Variants in CAST observed in about 807,000 individuals in gnomAD.
CAST encodes the protein MIR583 host.
CAST carries 76 observed loss-of-function variants against 119.6 expected under a neutral mutation model. That is an observed-to-expected ratio of 0.64 (90% CI 0.53 to 0.77). The LOEUF is 0.77. Among genes scored for constraint, CAST ranks in the 30% least tolerant of loss-of-function variants. The pLI is 0.00. For missense variants in CAST, 953 were observed against 946.5 expected, an observed-to-expected ratio of 1.01 and a Z score of -0.09; for synonymous variants, 319 against 331.6, an observed-to-expected ratio of 0.96 and a Z score of 0.41.
chr5:96,574,143 C>T lies in CAST; in HGVS notation c.60+44263C>T, dbSNP rs1296727476. ...CGCAATCTCGGCTCACTGCAAGCTC[C>T]GCTTCCCGGGTTCACGCCATTCTCC... On this transcript the variant is annotated intron_variant, in intron 1 of 11. Coordinates refer to the CAST transcript ENST00000505143. 6.9e-5 allele frequency among the ~76,000 whole-genome samples: 2 copies of T among 28,838 alleles called. 1 individual carries two copies. Among genetic ancestry groups the T allele is most frequent in the Non-Finnish European group, 1.0e-4 (2 of 19,326 alleles). The allele number at this position is 28,838 out of a possible 152,430, so 18.9% of individuals were successfully genotyped here.
the CAST span, among the ~76,000 whole-genome samples, chr5:96,302,683 G>A: frequency 6.6e-6 from 1 of 152,116 alleles, no homozygotes; most frequent in East Asian, 1.9e-4. Context: ...CCTAGAGCAG[G>A]GGCACAATGC....
chr5:96,562,358 G>A (rs971979984), intron 1 of CAST, among the ~76,000 whole-genome samples: 4 of 151,978 alleles, frequency 2.6e-5, no homozygotes, highest in East Asian at 3.9e-4. Flanking sequence ...CAATACAAAT[G>A]CCTCTTTAAT....
intron 1 of CAST, among the ~76,000 whole-genome samples, chr5:96,651,771 C>T (rs148681525): frequency 1.3e-5 from 2 of 152,320 alleles, no homozygotes; most frequent in Non-Finnish European, 2.9e-5. Flanking sequence ...GTTTCTATTA[C>T]ACCTTTTACA....
At chr5:96,770,300 A>G (rs1771794870) in intron 29 of CAST, 1 of 496,068 alleles carries the variant, frequency 2.0e-6, no homozygotes, top group Non-Finnish European at 3.7e-6. Context: ...CGGGAATTAG[A>G]GCATCAATGT....
chr5:96,767,917 A>T lies in CAST; in HGVS notation c.2186A>T (p.Asp729Val). ...KKSEDSKKPADDQDPIDALSG... is the reference protein window; with the variant it reads ...KKSEDSKKPAVDQDPIDALSG... Reference sequence around the variant, plus strand: ...CTACTCATATCTCAGAAACCTGCAGATGACCAAGACCCCATTGATGCTCTC... The same window carrying T: ...CTACTCATATCTCAGAAACCTGCAGTTGACCAAGACCCCATTGATGCTCTC... The change falls in exon 29 of 32, where the codon GAT (aspartate) becomes GTT (valine). Residue 729 changes from aspartate to valine, a missense_variant. By Grantham distance (152) the Asp-to-Val change is radical (BLOSUM62 -3). Transcript: ENST00000675179. 1 of 1,612,626 alleles carries T rather than the reference A, an allele frequency of 6.2e-7. No individual in the cohort carries two copies. The highest frequency in any genetic ancestry group is 8.5e-7 in the Non-Finnish European group (1 of 1,178,722).
the CAST span, among the ~76,000 whole-genome samples, chr5:96,144,551 G>C: frequency 6.6e-6 from 1 of 152,100 alleles, no homozygotes; most frequent in Non-Finnish European, 1.5e-5. Flanking sequence ...CTTGTGCTTG[G>C]AGGTATTTAT....
chr5:96,642,900 T>G (rs960237247), intron 1 of CAST, among the ~76,000 whole-genome samples: 4 of 152,156 alleles, frequency 2.6e-5, no homozygotes, highest in Non-Finnish European at 5.9e-5. Flanking sequence ...AGGCCTTGCA[T>G]CTATTTGCTC....
chr5:96,495,122 CA>C, the CAST span, among the ~76,000 whole-genome samples: 12,022 of 50,674 alleles, frequency 0.24, 480 homozygotes, highest in African/African-American at 0.26. Flanking sequence ...GAGACTGTCT[CA>C]AAAAAAAAAA....
At chr5:96,389,053 A>G in the CAST span, among the ~76,000 whole-genome samples, 2 of 151,770 alleles carry the variant, frequency 1.3e-5, no homozygotes, top group Non-Finnish European at 2.9e-5. Context: ...AAAAAGTCAA[A>G]TAGATGGAAA....
the CAST span, among the ~76,000 whole-genome samples, chr5:96,186,942 A>G: frequency 3.9e-5 from 6 of 152,162 alleles, no homozygotes; most frequent in African/African-American, 1.4e-4. Context: ...TCTTATTTGT[A>G]CATCCGGTAG....
chr5:96,285,556 G>T, the CAST span, among the ~76,000 whole-genome samples: 1 of 152,054 alleles, frequency 6.6e-6, no homozygotes, highest in Non-Finnish European at 1.5e-5. Context: ...TCCTCATATT[G>T]GCATGAAGCT....
intron 3 of CAST, chr5:96,702,849 G>A: frequency 1.0e-6 from 1 of 985,484 alleles, no homozygotes; most frequent in Non-Finnish European, 1.2e-6. Context: ...CGGGAGCCGA[G>A]CCCAGCTAGG....
At chr5:95,963,510 C>G in the CAST span, among the ~76,000 whole-genome samples, 100 of 152,276 alleles carry the variant, frequency 6.6e-4, no homozygotes, top group Admixed American at 1.4e-3. Context: ...ATTTCATTTA[C>G]TTTAGTGATA....
Position 96,767,997 on chromosome 5 carries a change from A to G in CAST, c.2266A>G (p.Lys756Glu). ...STTETSQNTA[K>E]DKCKKAASSS... Reference sequence around the variant, plus strand: ...TACAGAAACCTCACAGAACACAGCAAAGGTACTGTGCTTTTTCACATTTCA... The same window carrying G: ...TACAGAAACCTCACAGAACACAGCAGAGGTACTGTGCTTTTTCACATTTCA... The change falls in exon 29 of 32, where the codon AAG becomes GAG. Residue 756 changes from lysine (K) to glutamate (E), a missense_variant and splice_region_variant. Transcript: ENST00000675179. The G allele has an allele frequency of 6.3e-7, 1 of 1,596,656 alleles. No individual in the cohort carries two copies. The highest frequency in any genetic ancestry group is 8.6e-7 in the Non-Finnish European group (1 of 1,164,226).
the CAST span, among the ~76,000 whole-genome samples, chr5:96,193,131 A>C: frequency 6.6e-6 from 1 of 152,206 alleles, no homozygotes; most frequent in Non-Finnish European, 1.5e-5. Flanking sequence ...TAGTTTAAGC[A>C]TATGTCAAAC....
chr5:96,464,895 TC>T, the CAST span, among the ~76,000 whole-genome samples: 1 of 152,018 alleles, frequency 6.6e-6, no homozygotes, highest in East Asian at 1.9e-4. Context: ...TCTTCTTCAC[TC>T]CTTGTTATTC....
chr5:96,128,882 T>C, the CAST span, among the ~76,000 whole-genome samples: 1 of 152,084 alleles, frequency 6.6e-6, no homozygotes, highest in Non-Finnish European at 1.5e-5. Context: ...CATCTTAAGA[T>C]GGATTATTTC....
chr5:96,071,844 TG>T, the CAST span, among the ~76,000 whole-genome samples: 8 of 152,134 alleles, frequency 5.3e-5, no homozygotes, highest in African/African-American at 1.7e-4. Flanking sequence ...TATTTGGAAG[TG>T]GGGGCAAGTG....
chr5:96,384,976 T>C, the CAST span, among the ~76,000 whole-genome samples: 1 of 151,912 alleles, frequency 6.6e-6, no homozygotes, highest in Non-Finnish European at 1.5e-5. Context: ...CTGATAAATA[T>C]CCCAAAGAAT....
Sources: gnomAD v4.1 joint callset for allele counts (sites outside exome capture counted in the v4.1 genomes callset) on GRCh38, gnomAD v4.1.1 for gene constraint, MANE v1.5 for transcripts, NCBI Gene and HGNC (gene_info 2026-07-23, HGNC 2026-07-21) for gene names.